Variants in MICU3 observed in about 807,000 individuals in gnomAD.
The protein encoded by MICU3 is calcium uptake protein 3, mitochondrial.
In MICU3, 62 loss-of-function variants were observed where a neutral mutation model predicts 66.5. The observed-to-expected ratio is 0.93, with a 90% CI of 0.76 to 1.15. The LOEUF is 1.15. MICU3 is among the 50% of genes most tolerant of loss of function. The probability of loss-of-function intolerance (pLI) is 0.00; values close to 1 mark genes in which losing one functional copy is unlikely to be tolerated. For missense variants in MICU3, 779 were observed against 664.4 expected (o/e 1.17, Z -1.90); for synonymous variants, 308 against 240.7 (o/e 1.28, Z -2.59).
intron 11 of MICU3, among the ~76,000 whole-genome samples, chr8:17,111,696 T>C (rs573282676): frequency 2.6e-4 from 40 of 152,332 alleles, no homozygotes; most frequent in African/African-American, 8.4e-4. Flanking sequence ...TTTTTATAAA[T>C]GGTATGAAGT....
At chr8:17,125,257 A>G (rs1803376451), downstream of MICU3, among the ~76,000 whole-genome samples, 1 of 151,330 alleles carries the variant, frequency 6.6e-6, no homozygotes, top group Non-Finnish European at 1.5e-5. Context: ...TAATTTCATC[A>G]TATTCTTTTT....
intron 7 of MICU3, among the ~76,000 whole-genome samples, chr8:17,087,290 T>A (rs1799574705): frequency 6.6e-6 from 1 of 152,012 alleles, no homozygotes; most frequent in Admixed American, 6.6e-5. Flanking sequence ...TCTGTGAGAT[T>A]TGAAGGGTAT....
the MICU3 span, among the ~76,000 whole-genome samples, chr8:17,135,543 G>A: frequency 1.5e-3 from 233 of 152,144 alleles, no homozygotes; most frequent in African/African-American, 5.5e-3. Context: ...TAGGTTTTCT[G>A]GTGGGCAGTC....
At position 17,122,238 on chromosome 8, in the gene MICU3, AAAG is replaced by A. The variant is rs1166819903; in HGVS notation, c.*1954_*1956del. The A allele has an allele frequency of 6.6e-6, 1 of 151,874 alleles. No homozygotes were observed. The highest frequency in any genetic ancestry group is 2.4e-5 in the African/African-American group (1 of 41,442). The allele number at this position is 151,874 out of a possible 1,614,324, so 9.4% of individuals were successfully genotyped here. On this transcript the variant is annotated 3_prime_UTR_variant, in exon 15 of 15. Transcript: ENST00000318063. Reference sequence around the variant, plus strand: ...TAAATAAATGTTCTGATAAAATAGAAAAGAAAGTAAATTACAGTGATTTCCATC... The same window carrying A: ...TAAATAAATGTTCTGATAAAATAGAAAAAGTAAATTACAGTGATTTCCATC...
chr8:17,061,449 T>C (rs891800936), intron 1 of MICU3, among the ~76,000 whole-genome samples: 2 of 152,018 alleles, frequency 1.3e-5, no homozygotes, highest in African/African-American at 4.8e-5. Context: ...TGTTAGACTA[T>C]GCTTAAGGAA....
chr8:17,071,301 G>T (rs1819552580), intron 3 of MICU3, among the ~76,000 whole-genome samples: 1 of 152,140 alleles, frequency 6.6e-6, no homozygotes, highest in Non-Finnish European at 1.5e-5. Context: ...TGAAGTCTGA[G>T]ATCCAGGTGT....
At chr8:17,076,728 T>C (rs1820437602) in intron 3 of MICU3, among the ~76,000 whole-genome samples, 1 of 152,174 alleles carries the variant, frequency 6.6e-6, no homozygotes, top group African/African-American at 2.4e-5. Flanking sequence ...CAAACTTCAA[T>C]GTGTGTAAAA....
At chr8:17,041,693 AC>A (rs1052600939) in intron 1 of MICU3, among the ~76,000 whole-genome samples, 37 of 152,162 alleles carry the variant, frequency 2.4e-4, no homozygotes, top group Non-Finnish European at 7.4e-5. Context: ...TGTGATAAGG[AC>A]CCAGGTGGGA....
chr8:17,083,494 G>A (rs3850759), intron 5 of MICU3, among the ~76,000 whole-genome samples: 2,423 of 152,122 alleles, frequency 0.016, 116 homozygotes, highest in Admixed American at 0.095. Context: ...TATAAACTAA[G>A]TTCCTCCCAA....
At chr8:17,118,982 T>C (rs1323424741) in intron 14 of MICU3, among the ~76,000 whole-genome samples, 1 of 152,202 alleles carries the variant, frequency 6.6e-6, no homozygotes, top group East Asian at 1.9e-4. Context: ...AAATCAAAAT[T>C]GGACTTTTAT....
chr8:17,057,028 C>G (rs573485254), intron 1 of MICU3, among the ~76,000 whole-genome samples: 1 of 152,204 alleles, frequency 6.6e-6, no homozygotes, highest in African/African-American at 2.4e-5. Flanking sequence ...TTTCTGTCAA[C>G]AGGTTAAGCT....
chr8:17,093,111 A>G (rs759426710), intron 8 of MICU3, among the ~76,000 whole-genome samples: 2 of 152,044 alleles, frequency 1.3e-5, no homozygotes, highest in Non-Finnish European at 2.9e-5. Flanking sequence ...CTTTGTATTC[A>G]TGAAGAGAGC....
chr8:17,127,096 A>G (rs1803422883), downstream of MICU3, among the ~76,000 whole-genome samples: 1 of 152,224 alleles, frequency 6.6e-6, no homozygotes, highest in Non-Finnish European at 1.5e-5. Context: ...TTAGGACAGA[A>G]TAAAAGACAG....
intron 3 of MICU3, among the ~76,000 whole-genome samples, chr8:17,073,279 C>T (rs911053829): frequency 7.9e-5 from 12 of 152,182 alleles, no homozygotes; most frequent in African/African-American, 2.9e-4. Flanking sequence ...TACAGCCACT[C>T]TCCATCACTC....
intron 2 of MICU3, among the ~76,000 whole-genome samples, chr8:17,066,514 A>AAT (rs1487739500): frequency 2.3e-5 from 2 of 85,936 alleles, no homozygotes; most frequent in Admixed American, 1.5e-4. Flanking sequence ...GATTGTTAAT[A>AAT]ATCTATATAT....
At chr8:17,078,609 G>A (rs2150710712) in intron 4 of MICU3, among the ~76,000 whole-genome samples, 1 of 152,068 alleles carries the variant, frequency 6.6e-6, no homozygotes, top group East Asian at 1.9e-4. Context: ...AATTACATAA[G>A]CAGTTATATT....
chr8:17,032,838 T>A (rs1812324863), intron 1 of MICU3, among the ~76,000 whole-genome samples: 1 of 152,248 alleles, frequency 6.6e-6, no homozygotes, highest in Non-Finnish European at 1.5e-5. Flanking sequence ...ACTTAATGTT[T>A]CTGTGTCATG....
chr8:17,032,004 T>A (rs986269716), intron 1 of MICU3, among the ~76,000 whole-genome samples: 1 of 152,246 alleles, frequency 6.6e-6, no homozygotes, highest in Admixed American at 6.5e-5. Context: ...TATGTCTTCA[T>A]TGCCTGTTAA....
chr8:17,124,935 A>C (rs888431839), downstream of MICU3, among the ~76,000 whole-genome samples: 2 of 152,050 alleles, frequency 1.3e-5, no homozygotes, highest in African/African-American at 4.8e-5. Flanking sequence ...CAAAATTTCA[A>C]ATTAATGTAC....
Sources: allele counts gnomAD v4.1 joint callset (sites outside exome capture counted in the v4.1 genomes callset), GRCh38; gene constraint gnomAD v4.1.1; transcripts MANE v1.5; gene names NCBI Gene and HGNC (gene_info 2026-07-23, HGNC 2026-07-21).